NOXRED1: variants seen among roughly 807,000 people sequenced by gnomAD.
NOXRED1 encodes NADP-dependent oxidoreductase domain-containing protein 1.
In NOXRED1, 20 loss-of-function variants were observed where a neutral mutation model predicts 30.4. The observed-to-expected ratio is 0.66, with a 90% CI of 0.46 to 0.96. The LOEUF (loss-of-function observed/expected upper bound fraction) is 0.96, where lower values mean the gene tolerates loss of function less well. Ranked by LOEUF, NOXRED1 falls within the 40% of genes least tolerant of loss-of-function variation. NOXRED1 has a pLI of 0.00. For missense variants in NOXRED1, 374 were observed against 428.0 expected, an observed-to-expected ratio of 0.87 and a Z score of 1.11; for synonymous variants, 155 against 168.0, an observed-to-expected ratio of 0.92 and a Z score of 0.60.
rs1052818692 is a variant in NOXRED1, at chr14:77,414,007, A to C, written c.276T>G (p.Ala92=). The change falls in exon 2 of 6, where the codon GCT becomes GCG. Residue 92 remains alanine (A), a synonymous_variant. Coordinates refer to ENST00000380835, the MANE Select transcript of NOXRED1 (RefSeq NM_001113475.3). ...IGGGHLGKQL[A]GTLLQLGPIP... ...TGGGGCCAAGCTGCAGCAGTGTGCC[A>C]GCCAGCTGCTTCCCAAGGTGGCCAC... is the stretch of plus-strand genomic sequence containing the variant. The C allele has an allele frequency of 1.6e-5, 25 of 1,612,376 alleles. No individual in the cohort carries two copies. Among genetic ancestry groups the C allele is most frequent in the Non-Finnish European group, 2.0e-5 (24 of 1,178,842 alleles).
chr14:77,409,810 A>G (rs1001397400), intron 2 of NOXRED1, among the ~76,000 whole-genome samples: 1 of 141,364 alleles, frequency 7.1e-6, no homozygotes, highest in Admixed American at 7.1e-5. Context: ...ATACCTTGAG[A>G]TTTTTTTTTT....
intron 1 of NOXRED1, 123 bp from the exon 2 acceptor site, chr14:77,414,250 T>C (rs11159258): frequency 0.53 from 301,443 of 567,638 alleles, 85,671 homozygotes; most frequent in East Asian, 0.96. Context: ...GGGGTGATCT[T>C]GACTCACCGC....
chr14:77,425,838 T>C (rs1895108350), upstream of NOXRED1, among the ~76,000 whole-genome samples: 1 of 152,008 alleles, frequency 6.6e-6, no homozygotes, highest in African/African-American at 2.4e-5. Flanking sequence ...TTGAGAGCCA[T>C]ATTGCCTTAA....
intron 5 of NOXRED1, 119 bp downstream of exon 5, chr14:77,405,793 AC>A (rs1438729242): frequency 2.5e-4 from 162 of 646,806 alleles, no homozygotes; most frequent in Non-Finnish European, 4.8e-5. Context: ...GAAATTCTTT[AC>A]AAAAAGGTAT....
chr14:77,422,827 A>G lies in NOXRED1; in HGVS notation c.63T>C (p.Arg21=). ...AACGGCCCTGCAAATACAGCCAGAT[A>G]CGATCTTCCTCTGGAACCCCATACT... ...QFEYGVPEED[R]IWLYLQGRSR... is the part of the protein sequence containing the mutation. Residue 21 remains arginine (R), a synonymous_variant, in exon 1 of 6, where the codon CGT becomes CGC. Coordinates refer to ENST00000380835, the MANE Select transcript of NOXRED1 (RefSeq NM_001113475.3). 6.2e-7 allele frequency: 1 copy of G among 1,613,920 alleles called. No individual in the cohort carries two copies. Among genetic ancestry groups the G allele is most frequent in the Non-Finnish European group, 8.5e-7 (1 of 1,179,826 alleles).
intron 2 of NOXRED1, among the ~76,000 whole-genome samples, chr14:77,410,101 T>C (rs1018480259): frequency 2.0e-5 from 3 of 151,684 alleles, no homozygotes; most frequent in African/African-American, 4.8e-5. Flanking sequence ...CCATGCCCAG[T>C]TGGTAAGATT....
intron 5 of NOXRED1, among the ~76,000 whole-genome samples, chr14:77,402,574 C>T (rs1050624068): frequency 2.6e-5 from 4 of 151,530 alleles, no homozygotes; most frequent in South Asian, 2.1e-4. Flanking sequence ...GCAGAGGTTG[C>T]GGTGAGCCGA....
At chr14:77,412,754 C>T (rs1894695440) in intron 2 of NOXRED1, among the ~76,000 whole-genome samples, 1 of 152,160 alleles carries the variant, frequency 6.6e-6, no homozygotes, top group African/African-American at 2.4e-5. Flanking sequence ...CTCAGGTGAT[C>T]TGCCCACCTC....
intron 1 of NOXRED1, among the ~76,000 whole-genome samples, chr14:77,419,480 G>A (rs574159744): frequency 9.1e-4 from 105 of 115,268 alleles, no homozygotes; most frequent in African/African-American, 3.4e-3. Flanking sequence ...ACAGAGTCTC[G>A]CTCTTTCGCC....
At position 77,394,728 on chromosome 14, in the gene NOXRED1, A is replaced by G. The variant is rs1265719212; in HGVS notation, c.983T>C (p.Val328Ala). 2 of 1,613,390 alleles carry G rather than the reference A, an allele frequency of 1.2e-6. No individual in the cohort carries two copies. The highest frequency in any genetic ancestry group is 1.7e-6 in the Non-Finnish European group (2 of 1,179,310). The part of the protein sequence containing the change: ...PFSQHLSSSP[V>A]LQDHLTHLYC... The stretch of plus-strand genomic sequence containing the variant: ...TAGATGGGTAAGGTGGTCTTGGAGA[A>G]CAGGACTACTTGAGAGATGCTGGCT... The change falls in exon 6 of 6, where the codon GTT becomes GCT. Residue 328 changes from valine to alanine, a missense_variant. By Grantham distance (64) the Val-to-Ala change is moderately conservative. Coordinates refer to ENST00000380835, the MANE Select transcript of NOXRED1 (RefSeq NM_001113475.3).
chr14:77,416,732 G>A (rs1349996186), intron 1 of NOXRED1, among the ~76,000 whole-genome samples: 3 of 152,144 alleles, frequency 2.0e-5, no homozygotes, highest in African/African-American at 7.2e-5. Context: ...CCTCCCAGAC[G>A]GGGTGGTGGC....
intron 2 of NOXRED1, among the ~76,000 whole-genome samples, chr14:77,413,012 T>G (rs1239338942): frequency 6.6e-6 from 1 of 152,140 alleles, no homozygotes; most frequent in Non-Finnish European, 1.5e-5. Context: ...TATTTTACAT[T>G]TTTTATTATT....
At chr14:77,396,042 C>T (rs1894168641) in intron 5 of NOXRED1, among the ~76,000 whole-genome samples, 1 of 150,682 alleles carries the variant, frequency 6.6e-6, no homozygotes, top group South Asian at 2.1e-4. Flanking sequence ...CATAGTGAGA[C>T]CCTGTCTGTT....
chr14:77,400,443 G>A (rs1237491370), intron 5 of NOXRED1, among the ~76,000 whole-genome samples: 3 of 152,200 alleles, frequency 2.0e-5, no homozygotes, highest in African/African-American at 7.2e-5. Context: ...AGGAGGTTCT[G>A]ATGACATGTG....
intron 2 of NOXRED1, among the ~76,000 whole-genome samples, chr14:77,408,867 G>A (rs537992022): frequency 7.2e-4 from 92 of 128,248 alleles, no homozygotes; most frequent in African/African-American, 2.5e-3. Context: ...TCATGTAGTT[G>A]CATAAAAACA....
rs1219023331 is a variant in NOXRED1 at position 77,423,436 on chromosome 14, A to G, written c.-547T>C. 6.6e-6 allele frequency: 1 copy of G among 152,638 alleles called. No individual in the cohort carries two copies. The highest frequency in any genetic ancestry group is 1.5e-5 in the Non-Finnish European group (1 of 68,370). The allele number at this position is 152,638 out of a possible 1,614,324, so 9.5% of individuals were successfully genotyped here. On this transcript the variant is annotated 5_prime_UTR_variant, in exon 1 of 6. Coordinates refer to ENST00000380835, the MANE Select transcript of NOXRED1 (RefSeq NM_001113475.3). ...CATCTAGATTTTACAAACTAAACTC[A>G]AAGTCATATAAACCCATCTACATAT...
rs1275859999 is a variant in NOXRED1, at chr14:77,394,021, T to G, written c.*610A>C. The G allele has an allele frequency of 6.6e-6, 1 of 152,228 alleles. No homozygotes were observed. The highest frequency in any genetic ancestry group is 1.5e-5 in the Non-Finnish European group (1 of 68,036). The allele number at this position is 152,228 out of a possible 1,614,324, so 9.4% of individuals were successfully genotyped here. A position where few individuals can be genotyped will look rare whatever the true frequency, so the allele number is the denominator to read the frequency against. On this transcript the variant is annotated 3_prime_UTR_variant, in exon 6 of 6. Coordinates refer to ENST00000380835, the MANE Select transcript of NOXRED1 (RefSeq NM_001113475.3). ...GCAAAACATAAAGGAAATCAACAAA[T>G]TTGCAGTATAGATCTATATTTTGCA...
At chr14:77,399,905 A>G (rs1345062281) in intron 5 of NOXRED1, among the ~76,000 whole-genome samples, 3 of 152,208 alleles carry the variant, frequency 2.0e-5, no homozygotes, top group African/African-American at 7.2e-5. Flanking sequence ...AATAACAAAA[A>G]CACACAAGAA....
Position 77,406,822 on chromosome 14 carries a change from T to C in NOXRED1, c.584A>G (p.Asp195Gly), listed in dbSNP as rs768481977. 2 of 1,614,082 alleles carry C rather than the reference T, an allele frequency of 1.2e-6. No individual in the cohort carries two copies. Among genetic ancestry groups the C allele is most frequent in the Non-Finnish European group, 8.5e-7 (1 of 1,179,950 alleles). ...CCCCCAGACGCTGACAGAATCTTCA[T>C]CATACTGATACTGAGGCCGCAAGAT... ...TNILRPQYQY[D>G]EDSVSVWGAN... Residue 195 changes from aspartate (D) to glycine (G), a missense_variant, in exon 4 of 6, where the codon GAT (aspartate) becomes GGT (glycine). Physicochemically the swap from Asp to Gly is moderately conservative, Grantham distance 94 (BLOSUM62 -1). Transcript: ENST00000380835.
Sources: allele counts gnomAD v4.1 joint callset (sites outside exome capture counted in the v4.1 genomes callset), GRCh38; gene constraint gnomAD v4.1.1; transcripts MANE v1.5; gene names NCBI Gene and HGNC (gene_info 2026-07-23, HGNC 2026-07-21).